Variants in LARS2 observed in about 807,000 individuals in gnomAD.
LARS2 encodes leucyl-tRNA synthetase 2, mitochondrial.
A neutral mutation model predicts 116.6 loss-of-function variants in LARS2; 81 were observed. The ratio of observed to expected loss-of-function variants is 0.69; its 90% CI spans 0.58 to 0.84. LARS2 has a LOEUF of 0.84. Ranked by LOEUF, LARS2 falls within the 40% of genes least tolerant of loss-of-function variation. LARS2 has a pLI of 0.00. For missense variants in LARS2, 968 were observed against 1,114.5 expected (o/e 0.87, Z 1.87); for synonymous variants, 396 against 407.2 (o/e 0.97, Z 0.33).
chr3:45,391,357 C>T (rs1035693884), intron 1 of LARS2, among the ~76,000 whole-genome samples: 1 of 151,726 alleles, frequency 6.6e-6, no homozygotes, highest in Non-Finnish European at 1.5e-5. Flanking sequence ...TGGTGGCGGG[C>T]GCCTGTAATC....
chr3:45,448,187 A>G (rs1699053290), intron 7 of LARS2, among the ~76,000 whole-genome samples: 1 of 152,204 alleles, frequency 6.6e-6, no homozygotes, highest in Non-Finnish European at 1.5e-5. Flanking sequence ...AGAGGAAAGA[A>G]CTGAGGTAAA....
At position 45,474,310 on chromosome 3, in the gene LARS2, T is replaced by C. The variant is rs375191827; in HGVS notation, c.818T>C (p.Ile273Thr). 6.8e-6 allele frequency: 11 copies of C among 1,611,570 alleles called. No homozygotes were observed. The highest frequency in any genetic ancestry group is 1.3e-5 in the African/African-American group (1 of 74,894). ...ATAAAAGGCATGCAAGCCCACTGGA[T>C]TGGGGACTGTGTGGGCTGCCACCTG... ...YGIKGMQAHW[I>T]GDCVGCHLDF... The change falls in exon 9 of 22, where the codon ATT (isoleucine) becomes ACT (threonine). Residue 273 changes from isoleucine (I) to threonine (T), a missense_variant. Ile to Thr is a moderately conservative substitution (Grantham distance 89, BLOSUM62 -1). Coordinates refer to ENST00000645846, the MANE Select transcript of LARS2 (RefSeq NM_015340.4).
intron 4 of LARS2, among the ~76,000 whole-genome samples, chr3:45,407,909 G>A (rs1698259295): frequency 6.6e-6 from 1 of 152,154 alleles, no homozygotes; most frequent in African/African-American, 2.4e-5. Flanking sequence ...CTTACTTCTT[G>A]TGTCGGATGA....
At chr3:45,456,897 C>A (rs1459516386) in intron 7 of LARS2, among the ~76,000 whole-genome samples, 1 of 152,188 alleles carries the variant, frequency 6.6e-6, no homozygotes, top group East Asian at 1.9e-4. Context: ...TCCCCTCACC[C>A]CTACTTTTTA....
At chr3:45,522,479 C>T (rs776252649) in intron 19 of LARS2, among the ~76,000 whole-genome samples, 3 of 152,300 alleles carry the variant, frequency 2.0e-5, no homozygotes, top group East Asian at 1.9e-4. Flanking sequence ...GCCTGTAATC[C>T]CAGCACTGCG....
chr3:45,393,730 A>G (rs1256863049), intron 2 of LARS2, among the ~76,000 whole-genome samples: 1 of 152,168 alleles, frequency 6.6e-6, no homozygotes, highest in East Asian at 1.9e-4. Context: ...AGGCTAAGGC[A>G]GGTAGATCGC....
intron 3 of LARS2, among the ~76,000 whole-genome samples, chr3:45,396,108 G>A (rs1317260674): frequency 6.6e-6 from 1 of 152,076 alleles, no homozygotes; most frequent in Non-Finnish European, 1.5e-5. Flanking sequence ...TACTGATTTT[G>A]TGACATCTCA....
intron 7 of LARS2, among the ~76,000 whole-genome samples, chr3:45,448,215 A>G (rs7645361): frequency 6.6e-6 from 1 of 152,226 alleles, no homozygotes; most frequent in Non-Finnish European, 1.5e-5. Flanking sequence ...GTTCTATTCC[A>G]TAACAAATAT....
At chr3:45,522,569 A>G (rs1330319846) in intron 19 of LARS2, among the ~76,000 whole-genome samples, 2 of 152,128 alleles carry the variant, frequency 1.3e-5, no homozygotes, top group African/African-American at 4.8e-5. Context: ...TGTCTCTACT[A>G]AAAATACAAA....
chr3:45,506,215 A>T (rs561210709), intron 15 of LARS2, among the ~76,000 whole-genome samples: 1 of 152,126 alleles, frequency 6.6e-6, no homozygotes, highest in Non-Finnish European at 1.5e-5. Flanking sequence ...ACAGAAAGTC[A>T]TCTTAACTGT....
In LARS2 at chr3:45,549,010, A is replaced by G. The variant is rs991162100; in HGVS notation, c.*1480A>G. ...CTTCTTGTTCCAGAACTTACAGTCC[A>G]TGGTAGACAACACTGATACAGGCAA... is the stretch of plus-strand genomic sequence containing the variant. On this transcript the variant is annotated 3_prime_UTR_variant, in exon 22 of 22. Coordinates refer to ENST00000645846, the MANE Select transcript of LARS2 (RefSeq NM_015340.4). 6.6e-6 allele frequency: 1 copy of G among 152,264 alleles called. No individual in the cohort carries two copies. Among genetic ancestry groups the G allele is most frequent in the Non-Finnish European group, 1.5e-5 (1 of 68,048 alleles). 9.4% of individuals were successfully genotyped at this position (152,264 alleles called of 1,614,324 possible).
chr3:45,392,747 C>A (rs1332154727), intron 2 of LARS2, among the ~76,000 whole-genome samples: 1 of 152,174 alleles, frequency 6.6e-6, no homozygotes, highest in Non-Finnish European at 1.5e-5. Flanking sequence ...GAGTTTGAAA[C>A]TCACTGTTAT....
At chr3:45,472,890 A>G (rs1229485060) in intron 8 of LARS2, among the ~76,000 whole-genome samples, 1 of 152,212 alleles carries the variant, frequency 6.6e-6, no homozygotes, top group Non-Finnish European at 1.5e-5. Context: ...AACATACATA[A>G]AAGTGCCTGG....
chr3:45,407,151 G>C (rs997054961), intron 4 of LARS2, among the ~76,000 whole-genome samples: 6 of 152,142 alleles, frequency 3.9e-5, no homozygotes, highest in African/African-American at 1.4e-4. Context: ...AGAAAATTGA[G>C]GCTATGTGTC....
chr3:45,532,908 C>G (rs1700638565), intron 20 of LARS2, among the ~76,000 whole-genome samples: 1 of 152,150 alleles, frequency 6.6e-6, no homozygotes, highest in South Asian at 2.1e-4. Context: ...TCCCAAAGTG[C>G]TGGGATTACA....
rs186023605 is a variant in LARS2 at position 45,431,220 on chromosome 3, C to T, written c.516+11491C>T. On this transcript the variant is annotated intron_variant, in intron 6 of 21. Coordinates refer to ENST00000645846, the MANE Select transcript of LARS2 (RefSeq NM_015340.4). ...CCCTTGGTCTTGGTTTCCCAACCTTCAGAACTGTGAAAAATAAATGTTTGT... is the reference window on the plus strand; with the variant it reads ...CCCTTGGTCTTGGTTTCCCAACCTTTAGAACTGTGAAAAATAAATGTTTGT... Among the ~76,000 whole-genome samples the T allele has an allele frequency of 1.9e-3, 294 of 152,284 alleles. 2 individuals carry two copies. The highest frequency in any genetic ancestry group is 6.9e-3 in the African/African-American group (285 of 41,566).
chr3:45,519,667 T>G (rs1700423164), intron 18 of LARS2: 1 of 151,172 alleles, frequency 6.6e-6, no homozygotes, highest in Non-Finnish European at 1.5e-5. Flanking sequence ...CTTTTTTTTT[T>G]GACAAAGTCT....
At chr3:45,487,246 A>G (rs895750240) in intron 11 of LARS2, among the ~76,000 whole-genome samples, 1 of 152,200 alleles carries the variant, frequency 6.6e-6, no homozygotes, top group Non-Finnish European at 1.5e-5. Flanking sequence ...TTTCTTGACT[A>G]TGAACACCTT....
At chr3:45,411,417 T>C (rs987561233) in intron 4 of LARS2, among the ~76,000 whole-genome samples, 5 of 152,370 alleles carry the variant, frequency 3.3e-5, no homozygotes, top group Admixed American at 3.3e-4. Flanking sequence ...CATTCCTTTG[T>C]ACCTACTTTA....
Sources: allele counts gnomAD v4.1 joint callset (sites outside exome capture counted in the v4.1 genomes callset), GRCh38; gene constraint gnomAD v4.1.1; transcripts MANE v1.5; gene names NCBI Gene and HGNC (gene_info 2026-07-23, HGNC 2026-07-21).